The following PCSK2 variants were observed in gnomAD, a reference collection of about 807,000 sequenced individuals.
PCSK2 encodes proprotein convertase subtilisin/kexin type 2, also known as neuroendocrine convertase 2.
PCSK2 carries 14 observed loss-of-function variants against 69.7 expected under a neutral mutation model. That is an observed-to-expected ratio of 0.20 (90% CI 0.13 to 0.31). The LOEUF is 0.31. Ranked by LOEUF, PCSK2 falls within the 10% of genes least tolerant of loss-of-function variation. The pLI is 1.00. For missense variants in PCSK2, 544 were observed against 842.5 expected (o/e 0.65, Z 4.39); for synonymous variants, 307 against 320.7 (o/e 0.96, Z 0.46).
At chr20:17,423,017 A>G (rs2123326970) in intron 6 of PCSK2, among the ~76,000 whole-genome samples, 1 of 152,292 alleles carries the variant, frequency 6.6e-6, no homozygotes, top group East Asian at 1.9e-4. Flanking sequence ...TTAGGAAAAA[A>G]TAAAGAAAAA....
chr20:17,452,880 C>T (rs1176902950), intron 8 of PCSK2, among the ~76,000 whole-genome samples: 2 of 152,220 alleles, frequency 1.3e-5, no homozygotes, highest in Non-Finnish European at 2.9e-5. Flanking sequence ...CCTCTAAGAA[C>T]ATGGTTTGAG....
At chr20:17,258,888 A>C (rs1987276305) in intron 1 of PCSK2, among the ~76,000 whole-genome samples, 1 of 152,094 alleles carries the variant, frequency 6.6e-6, no homozygotes, top group Non-Finnish European at 1.5e-5. Flanking sequence ...AGAGGAAAAA[A>C]AACAAAAAGG....
At chr20:17,365,891 C>T (rs2030573679) in intron 4 of PCSK2, among the ~76,000 whole-genome samples, 1 of 152,204 alleles carries the variant, frequency 6.6e-6, no homozygotes, top group African/African-American at 2.4e-5. Flanking sequence ...ACCGCTCCCC[C>T]ATGGCTTCAC....
chr20:17,288,930 G>A (rs932463804), intron 2 of PCSK2, among the ~76,000 whole-genome samples: 1 of 152,168 alleles, frequency 6.6e-6, no homozygotes, highest in Non-Finnish European at 1.5e-5. Context: ...AAAAGACTGC[G>A]TGAAGCTATC....
intron 1 of PCSK2, among the ~76,000 whole-genome samples, chr20:17,259,008 AAATAAT>A (rs1171622606): frequency 1.3e-5 from 2 of 151,782 alleles, no homozygotes; most frequent in African/African-American, 2.4e-5. Context: ...ATTAAAAATA[AAATAAT>A]AATAATAAAT....
chr20:17,456,295 G>C, intron 9 of PCSK2, 53 bp from the exon 10 acceptor site: 1 of 913,832 alleles, frequency 1.1e-6, no homozygotes, highest in Non-Finnish European at 1.8e-6. Context: ...CATTGTGCGG[G>C]GGTTCAAAAT....
chr20:17,396,966 A>G (rs1342614156), intron 5 of PCSK2, among the ~76,000 whole-genome samples: 1 of 152,172 alleles, frequency 6.6e-6, no homozygotes. Context: ...CAGTTGCCTA[A>G]GTAGAATGGG....
At chr20:17,329,273 A>C (rs899303853) in intron 2 of PCSK2, among the ~76,000 whole-genome samples, 2 of 152,190 alleles carry the variant, frequency 1.3e-5, no homozygotes, top group African/African-American at 2.4e-5. Flanking sequence ...CAGGAGCCAG[A>C]ATAAGTCTGG....
chr20:17,239,720 C>A (rs2122950656), intron 1 of PCSK2, among the ~76,000 whole-genome samples: 1 of 151,152 alleles, frequency 6.6e-6, no homozygotes, highest in East Asian at 2.0e-4. Context: ...GTTCAGTAAA[C>A]AAACATAATG....
intron 2 of PCSK2, among the ~76,000 whole-genome samples, chr20:17,330,072 A>G (rs553706555): frequency 2.0e-5 from 3 of 152,216 alleles, no homozygotes; most frequent in Non-Finnish European, 4.4e-5. Flanking sequence ...CCAAAATATT[A>G]TCATTTCAAC....
At chr20:17,440,387 A>G (rs2032571331) in intron 8 of PCSK2, among the ~76,000 whole-genome samples, 1 of 152,234 alleles carries the variant, frequency 6.6e-6, no homozygotes, top group African/African-American at 2.4e-5. Context: ...CTTAAAACCT[A>G]CAATGAATAG....
In PCSK2 at chr20:17,369,295, T is replaced by C; in HGVS notation, c.543+18T>C. 6.2e-7 allele frequency: 1 copy of C among 1,609,884 alleles called. No homozygotes were observed. Among genetic ancestry groups the C allele is most frequent in the East Asian group, 2.2e-5 (1 of 44,818 alleles). Reference sequence around the variant, plus strand: ...CCAACTATGTAAGTACAAGCCAACTTTGGTGGGGAAACAGATGCATCTTAA... The same window carrying C: ...CCAACTATGTAAGTACAAGCCAACTCTGGTGGGGAAACAGATGCATCTTAA... On this transcript the variant is annotated intron_variant, in intron 5 of 11. Transcript: ENST00000262545.
chr20:17,423,718 A>T (rs1430487505), intron 6 of PCSK2, among the ~76,000 whole-genome samples: 3 of 152,226 alleles, frequency 2.0e-5, no homozygotes, highest in Admixed American at 6.5e-5. Flanking sequence ...ATTTTATGGA[A>T]AAAAAGGCTT....
chr20:17,436,629 C>A lies in PCSK2; in HGVS notation c.710-79C>A. 3.9e-6 allele frequency: 5 copies of A among 1,276,666 alleles called. No homozygotes were observed. In the South Asian group the frequency reaches 6.8e-5, roughly 17 times the overall value. 79.1% of individuals were successfully genotyped at this position (1,276,666 alleles called of 1,614,324 possible). A position where few individuals can be genotyped will look rare whatever the true frequency, so the allele number is the denominator to read the frequency against. Reference sequence around the variant, plus strand: ...CTCCAACCATTCCAAGTACCCAGGGCCCAAGCCCTCCTCCACCTCCTTGTC... The same window carrying A: ...CTCCAACCATTCCAAGTACCCAGGGACCAAGCCCTCCTCCACCTCCTTGTC... On this transcript the variant is annotated intron_variant, in intron 7 of 11. Coordinates refer to ENST00000262545, the MANE Select transcript of PCSK2 (RefSeq NM_002594.5).
At chr20:17,436,990 G>A in intron 8 of PCSK2, 107 bp downstream of exon 8, 1 of 930,034 alleles carries the variant, frequency 1.1e-6, no homozygotes, top group East Asian at 2.7e-5. Flanking sequence ...TGTGAGTCCA[G>A]GTCCTGCAGG....
intron 1 of PCSK2, among the ~76,000 whole-genome samples, chr20:17,238,639 G>A (rs901188139): frequency 2.6e-5 from 4 of 152,066 alleles, no homozygotes; most frequent in African/African-American, 7.2e-5. Context: ...ACTAGATTGG[G>A]TGAGACTCCT....
intron 2 of PCSK2, among the ~76,000 whole-genome samples, chr20:17,306,739 G>A (rs8123653): frequency 0.027 from 4,171 of 152,182 alleles, 191 homozygotes; most frequent in African/African-American, 0.094. Context: ...TCTTTTTAAC[G>A]TCCTATGTAA....
intron 1 of PCSK2, among the ~76,000 whole-genome samples, chr20:17,233,898 G>A (rs1986235819): frequency 6.6e-6 from 1 of 152,130 alleles, no homozygotes; most frequent in African/African-American, 2.4e-5. Context: ...ATTCTCTATC[G>A]ATTGTTTCTC....
At chr20:17,249,432 G>A (rs760075013) in intron 1 of PCSK2, among the ~76,000 whole-genome samples, 96 of 151,450 alleles carry the variant, frequency 6.3e-4, no homozygotes, top group Non-Finnish European at 1.2e-3. Context: ...GCGTTAACCT[G>A]GGAGGTGGAG....
Sources: gnomAD v4.1 joint callset for allele counts (sites outside exome capture counted in the v4.1 genomes callset) on GRCh38, gnomAD v4.1.1 for gene constraint, MANE v1.5 for transcripts, NCBI Gene and HGNC (gene_info 2026-07-23, HGNC 2026-07-21) for gene names.